Variants in TTC7B observed in about 807,000 individuals in gnomAD.
The protein encoded by TTC7B is tetratricopeptide repeat protein 7B.
Under a neutral mutation model 106.8 loss-of-function variants are expected in TTC7B, and 28 were observed. That is an observed-to-expected ratio of 0.26 (90% CI 0.19 to 0.36). The LOEUF (loss-of-function observed/expected upper bound fraction) is 0.36. TTC7B is among the 10% of genes least tolerant of loss of function. TTC7B has a pLI of 1.00. For missense variants in TTC7B, 862 were observed against 1,076.4 expected (o/e 0.80, Z 2.79); for synonymous variants, 405 against 430.6 (o/e 0.94, Z 0.74).
At chr14:90,767,028 C>CAAA (rs71301958) in intron 3 of TTC7B, 206 of 525,616 alleles carry the variant, frequency 3.9e-4, no homozygotes, top group South Asian at 1.3e-3. Context: ...GTTTATATAC[C>CAAA]AAAAAAAAAA....
At chr14:90,792,898 CGTTT>C (rs1206740596) in intron 1 of TTC7B, among the ~76,000 whole-genome samples, 4 of 152,062 alleles carry the variant, frequency 2.6e-5, no homozygotes, top group African/African-American at 9.7e-5. Context: ...AATTACAAGT[CGTTT>C]GTTAGAACCA....
At chr14:90,810,584 T>G (rs1412289451) in intron 1 of TTC7B, among the ~76,000 whole-genome samples, 1 of 152,206 alleles carries the variant, frequency 6.6e-6, no homozygotes, top group Non-Finnish European at 1.5e-5. Flanking sequence ...GTATTAGCCC[T>G]TCCTTCAAAG....
intron 19 of TTC7B, among the ~76,000 whole-genome samples, chr14:90,551,529 A>C (rs1220938383): frequency 6.6e-6 from 1 of 152,114 alleles, no homozygotes; most frequent in Admixed American, 6.5e-5. Context: ...ACACCAGCAC[A>C]TGTGAGTCAC....
intron 4 of TTC7B, among the ~76,000 whole-genome samples, chr14:90,738,267 G>A (rs567871817): frequency 6.6e-6 from 1 of 152,276 alleles, no homozygotes; most frequent in Non-Finnish European, 1.5e-5. Context: ...TAGCAGCCCT[G>A]TCAAGGTTGC....
At chr14:90,744,765 A>G in intron 4 of TTC7B, 27 bp downstream of exon 4, 5 of 1,602,818 alleles carry the variant, frequency 3.1e-6, no homozygotes, top group Non-Finnish European at 4.3e-6. Context: ...AAAAGTTATC[A>G]GGAACAAACA....
rs76034682 is a variant in TTC7B at position 90,614,599 on chromosome 14, G to C, written c.1868+3330C>G. ...GAGAGGCAGCATGCCAGTGTGGAGA[G>C]AGCATTGATGTTAGGCCTGGGGCTG... On this transcript the variant is annotated intron_variant, in intron 16 of 19. Coordinates refer to ENST00000328459, the MANE Select transcript of TTC7B (RefSeq NM_001010854.2). Among the ~76,000 whole-genome samples the C allele has an allele frequency of 5.4e-4, 83 of 152,368 alleles. 2 individuals are homozygous for C. In the East Asian group the frequency reaches 0.012, roughly 21 times the overall value.
chr14:90,708,599 T>C (rs1387497417), intron 5 of TTC7B, among the ~76,000 whole-genome samples: 1 of 152,222 alleles, frequency 6.6e-6, no homozygotes, highest in African/African-American at 2.4e-5. Context: ...AAGGATTCCT[T>C]TCCAGATATT....
rs1028696698 is a variant in TTC7B at position 90,536,325 on chromosome 14, C to G, written c.*5043G>C. On this transcript the variant is annotated 3_prime_UTR_variant, in exon 20 of 20. Transcript: ENST00000328459. ...TCTTCCTCTTTGTCTATGCTTGTCC[C>G]GAAGTGGCCCCGTCAGGCCCATGGC... The G allele has an allele frequency of 6.5e-6, 1 of 153,826 alleles. No individual in the cohort carries two copies. The highest frequency in any genetic ancestry group is 1.5e-5 in the Non-Finnish European group (1 of 68,510). The allele number at this position is 153,826 out of a possible 1,614,324, so 9.5% of individuals were successfully genotyped here.
chr14:90,643,322 C>G (rs944529910), intron 15 of TTC7B, among the ~76,000 whole-genome samples: 1 of 151,748 alleles, frequency 6.6e-6, no homozygotes, highest in African/African-American at 2.4e-5. Context: ...ACAGGAAAAT[C>G]GCTTGAACCC....
intron 18 of TTC7B, 79 bp downstream of exon 18, chr14:90,593,407 C>G: frequency 1.4e-6 from 2 of 1,476,692 alleles, no homozygotes; most frequent in East Asian, 2.4e-5. Context: ...CGCCCAGGCT[C>G]TGGCACAGCA....
chr14:90,579,100 C>T (rs542721335), intron 18 of TTC7B, among the ~76,000 whole-genome samples: 2 of 152,292 alleles, frequency 1.3e-5, no homozygotes, highest in South Asian at 2.1e-4. Flanking sequence ...GCACACTTGT[C>T]GAATATCCAG....
chr14:90,773,036 C>G (rs1890915297), intron 3 of TTC7B: 1 of 152,142 alleles, frequency 6.6e-6, no homozygotes, highest in Non-Finnish European at 1.5e-5. Context: ...CTAGGGACAG[C>G]TAGAAGTATT....
chr14:90,558,492 C>T (rs1484417040), intron 19 of TTC7B, among the ~76,000 whole-genome samples: 3 of 152,256 alleles, frequency 2.0e-5, no homozygotes, highest in South Asian at 2.1e-4. Flanking sequence ...CCTGCCACGG[C>T]GAGTCCGGTC....
chr14:90,561,879 A>G (rs985932298), intron 19 of TTC7B, among the ~76,000 whole-genome samples: 2 of 152,200 alleles, frequency 1.3e-5, no homozygotes, highest in African/African-American at 2.4e-5. Context: ...AATGCTTGCT[A>G]TAGCTGGGAT....
chr14:90,592,930 C>T (rs1427830612), intron 18 of TTC7B, among the ~76,000 whole-genome samples: 2 of 152,108 alleles, frequency 1.3e-5, no homozygotes, highest in African/African-American at 2.4e-5. Flanking sequence ...GCACCAAACA[C>T]ACAGCCCCTT....
At chr14:90,709,946 C>T (rs71428728) in intron 5 of TTC7B, among the ~76,000 whole-genome samples, 1 of 112,222 alleles carries the variant, frequency 8.9e-6, no homozygotes, top group Non-Finnish European at 1.8e-5. Flanking sequence ...TTTATAGTTT[C>T]TCTTTCGTTA....
At chr14:90,703,110 G>A (rs1888061138) in intron 5 of TTC7B, among the ~76,000 whole-genome samples, 2 of 152,302 alleles carry the variant, frequency 1.3e-5, no homozygotes, top group African/African-American at 4.8e-5. Context: ...CTCCAGACCT[G>A]GCCAGAGCTG....
intron 19 of TTC7B, among the ~76,000 whole-genome samples, chr14:90,576,194 G>A (rs971655856): frequency 4.6e-5 from 7 of 152,190 alleles, no homozygotes; most frequent in Admixed American, 3.9e-4. Flanking sequence ...CATAGTCCCC[G>A]AGATGGAAAC....
At chr14:90,606,710 G>A (rs1892655333) in intron 17 of TTC7B, among the ~76,000 whole-genome samples, 1 of 152,064 alleles carries the variant, frequency 6.6e-6, no homozygotes, top group Non-Finnish European at 1.5e-5. Flanking sequence ...CTATAAGGGG[G>A]GCTATTTTAG....
Sources: allele counts gnomAD v4.1 joint callset (sites outside exome capture counted in the v4.1 genomes callset), GRCh38; gene constraint gnomAD v4.1.1; transcripts MANE v1.5; gene names NCBI Gene and HGNC (gene_info 2026-07-23, HGNC 2026-07-21).